Variants in NKAIN2 observed in about 807,000 individuals in gnomAD.
NKAIN2 encodes the protein sodium/potassium-transporting ATPase subunit beta-1-interacting protein 2.
A neutral mutation model predicts 32.6 loss-of-function variants in NKAIN2; 14 were observed. The observed-to-expected ratio is 0.43, with a 90% CI of 0.28 to 0.67. The LOEUF is 0.67. Among genes scored for constraint, NKAIN2 ranks in the 30% least tolerant of loss-of-function variants. NKAIN2 has a pLI of 0.17. For synonymous variants in NKAIN2, 80 were observed against 87.2 expected, an observed-to-expected ratio of 0.92 and a Z score of 0.46; for missense variants, 198 against 258.3, an observed-to-expected ratio of 0.77 and a Z score of 1.60.
At chr6:124,788,152 A>G (rs1779586186) in intron 4 of NKAIN2, among the ~76,000 whole-genome samples, 1 of 152,142 alleles carries the variant, frequency 6.6e-6, no homozygotes, top group African/African-American at 2.4e-5. Context: ...AGCTAGGACT[A>G]TATTTCAAAC....
At chr6:123,806,814 G>T (rs1484025299) in intron 1 of NKAIN2, among the ~76,000 whole-genome samples, 1 of 151,914 alleles carries the variant, frequency 6.6e-6, no homozygotes, top group Non-Finnish European at 1.5e-5. Flanking sequence ...TTATTCAGTT[G>T]CTTTATTATG....
intron 1 of NKAIN2, among the ~76,000 whole-genome samples, chr6:123,852,032 C>G (rs998729603): frequency 6.6e-6 from 1 of 152,114 alleles, no homozygotes; most frequent in African/African-American, 2.4e-5. Flanking sequence ...ATTGCCCAGA[C>G]CAGTGTCATG....
intron 3 of NKAIN2, among the ~76,000 whole-genome samples, chr6:124,484,364 C>T (rs138831408): frequency 2.0e-4 from 30 of 152,226 alleles, no homozygotes; most frequent in East Asian, 1.9e-3. Context: ...TTTGTTTCTA[C>T]GCCAAGTTCA....
chr6:124,347,552 C>G (rs1265836654), intron 2 of NKAIN2, among the ~76,000 whole-genome samples: 1 of 152,096 alleles, frequency 6.6e-6, no homozygotes, highest in Non-Finnish European at 1.5e-5. Context: ...TCTTTTTTCT[C>G]TAAACTTCCC....
chr6:124,114,818 G>T (rs936826805), intron 1 of NKAIN2, among the ~76,000 whole-genome samples: 13 of 152,074 alleles, frequency 8.5e-5, no homozygotes, highest in South Asian at 2.1e-4. Flanking sequence ...GGGAACAAAA[G>T]GTTGTGGTCA....
intron 4 of NKAIN2, among the ~76,000 whole-genome samples, chr6:124,762,948 TA>T (rs1162555240): frequency 6.6e-6 from 1 of 152,214 alleles, no homozygotes; most frequent in Non-Finnish European, 1.5e-5. Context: ...AGGAAAGAAT[TA>T]AAGTCAAAGT....
intron 4 of NKAIN2, among the ~76,000 whole-genome samples, chr6:124,726,431 C>A (rs1216334741): frequency 6.6e-6 from 1 of 151,784 alleles, no homozygotes; most frequent in South Asian, 2.1e-4. Flanking sequence ...CTGGGAGGCA[C>A]CCCCCAGCAG....
intron 1 of NKAIN2, among the ~76,000 whole-genome samples, chr6:123,914,373 G>C (rs1775384870): frequency 6.6e-6 from 1 of 151,936 alleles, no homozygotes; most frequent in Admixed American, 6.6e-5. Context: ...GGGAGGGAGG[G>C]AGAAGGAGAG....
At chr6:124,094,291 T>A (rs1352580790) in intron 1 of NKAIN2, among the ~76,000 whole-genome samples, 1 of 152,066 alleles carries the variant, frequency 6.6e-6, no homozygotes, top group Non-Finnish European at 1.5e-5. Context: ...AAAAAATGAT[T>A]ATTTGAGTAT....
intron 4 of NKAIN2, among the ~76,000 whole-genome samples, chr6:124,781,458 T>C (rs1030591514): frequency 3.9e-5 from 6 of 152,162 alleles, no homozygotes; most frequent in Non-Finnish European, 8.8e-5. Flanking sequence ...TTTCCTTTCC[T>C]ACCTCCCAGC....
chr6:124,719,520 CTTTA>C (rs1241141655), intron 4 of NKAIN2, among the ~76,000 whole-genome samples: 3 of 152,200 alleles, frequency 2.0e-5, no homozygotes, highest in African/African-American at 4.8e-5. Context: ...AAATAGTTTT[CTTTA>C]TTTATGATCT....
rs558920859 is a variant in NKAIN2 at position 123,903,261 on chromosome 6, G to A, written c.54+99007G>A. ...TTTTTGCAGCAGAAATTGGAGCATGGGGGAAGAGCCGTGAATCTAAATTTG... is the reference window on the plus strand; with the variant it reads ...TTTTTGCAGCAGAAATTGGAGCATGAGGGAAGAGCCGTGAATCTAAATTTG... On this transcript the variant is annotated intron_variant, in intron 1 of 6. Transcript: ENST00000368417. Among the ~76,000 whole-genome samples, 8 of 152,284 alleles carry A rather than the reference G, an allele frequency of 5.3e-5. No individual in the cohort carries two copies. In the South Asian group the frequency reaches 1.7e-3, roughly 32 times the overall value.
chr6:124,617,666 G>A (rs1782959156), intron 3 of NKAIN2, among the ~76,000 whole-genome samples: 1 of 152,120 alleles, frequency 6.6e-6, no homozygotes, highest in African/African-American at 2.4e-5. Flanking sequence ...TATGCTTGCT[G>A]TATGAATGGA....
intron 4 of NKAIN2, among the ~76,000 whole-genome samples, chr6:124,740,801 G>A (rs1473031654): frequency 1.3e-5 from 2 of 151,682 alleles, no homozygotes; most frequent in Admixed American, 6.6e-5. Flanking sequence ...AGATCAAGAA[G>A]GACAGTAAAG....
intron 4 of NKAIN2, among the ~76,000 whole-genome samples, chr6:124,707,515 T>A (rs1185001970): frequency 7.2e-6 from 1 of 139,340 alleles, no homozygotes; most frequent in Non-Finnish European, 1.6e-5. Flanking sequence ...GTTTCCTGAC[T>A]TTTTAATGAT....
intron 3 of NKAIN2, among the ~76,000 whole-genome samples, chr6:124,570,980 T>C (rs550126907): frequency 1.3e-3 from 195 of 152,256 alleles, no homozygotes; most frequent in African/African-American, 4.3e-3. Context: ...GAAATCCACA[T>C]TTTGCATCAG....
chr6:123,819,069 G>A (rs530549392), intron 1 of NKAIN2, among the ~76,000 whole-genome samples: 30 of 152,254 alleles, frequency 2.0e-4, no homozygotes, highest in African/African-American at 6.0e-4. Flanking sequence ...TGTTAACTTC[G>A]TCAGGTGTTC....
At chr6:124,169,602 C>A (rs1055915949) in intron 1 of NKAIN2, among the ~76,000 whole-genome samples, 1 of 152,182 alleles carries the variant, frequency 6.6e-6, no homozygotes, top group Non-Finnish European at 1.5e-5. Context: ...CCTCACCAAG[C>A]AACCAGGCTT....
chr6:124,240,971 A>G (rs910024117), intron 1 of NKAIN2, among the ~76,000 whole-genome samples: 1 of 152,188 alleles, frequency 6.6e-6, no homozygotes, highest in African/African-American at 2.4e-5. Flanking sequence ...TGCAGATGAC[A>G]TGATTGTCTA....
Sources: allele counts gnomAD v4.1 joint callset (sites outside exome capture counted in the v4.1 genomes callset), GRCh38; gene constraint gnomAD v4.1.1; transcripts MANE v1.5; gene names NCBI Gene and HGNC (gene_info 2026-07-23, HGNC 2026-07-21).